Variants in NAV2 observed in about 807,000 individuals in gnomAD.
NAV2 encodes neuron navigator 2.
In NAV2, 54 loss-of-function variants were observed where a neutral mutation model predicts 223.2. The ratio of observed to expected loss-of-function variants is 0.24; its 90% CI spans 0.19 to 0.30. NAV2 has a LOEUF of 0.30. Ranked by LOEUF, NAV2 falls within the 10% of genes least tolerant of loss-of-function variation. The pLI is 1.00. For synonymous variants in NAV2, 1,279 were observed against 1,239.3 expected, an observed-to-expected ratio of 1.03 and a Z score of -0.67; for missense variants, 2,806 against 3,147.5, an observed-to-expected ratio of 0.89 and a Z score of 2.60.
In NAV2 at chr11:19,374,832, C is replaced by T. The variant is rs148245499; in HGVS notation, c.75+23805C>T. ...TTGACTCCCATTGTATTACTCAATG[C>T]CTCTCCTAGGTTTTTCTTCTCTTTG... On this transcript the variant is annotated intron_variant, in intron 1 of 37. Transcript: ENST00000360655. Among the ~76,000 whole-genome samples the T allele has an allele frequency of 6.4e-3, 978 of 152,312 alleles. 8 individuals carry two copies. Among genetic ancestry groups the T allele is most frequent in the African/African-American group, 0.023 (939 of 41,566 alleles).
intron 1 of NAV2, among the ~76,000 whole-genome samples, chr11:19,822,523 A>T (rs1225814930): frequency 2.0e-5 from 3 of 152,212 alleles, no homozygotes; most frequent in Non-Finnish European, 4.4e-5. Flanking sequence ...ATGTGGAAAA[A>T]GATGAAAATC....
intron 1 of NAV2, among the ~76,000 whole-genome samples, chr11:19,680,055 G>A (rs1020301247): frequency 2.0e-5 from 3 of 152,162 alleles, no homozygotes; most frequent in Non-Finnish European, 4.4e-5. Flanking sequence ...TGGAGGGTGG[G>A]GTTCTTGAAT....
At chr11:20,103,585 T>C (rs1458763367) in intron 33 of NAV2, 68 bp from the exon 34 acceptor site, 2 of 1,556,406 alleles carry the variant, frequency 1.3e-6, no homozygotes, top group Non-Finnish European at 1.8e-6. Context: ...GCCATGGGCC[T>C]CTGTGACCAC....
intron 1 of NAV2, among the ~76,000 whole-genome samples, chr11:19,721,474 C>T (rs1391472497): frequency 6.6e-6 from 1 of 152,210 alleles, no homozygotes; most frequent in Non-Finnish European, 1.5e-5. Flanking sequence ...TTCAAAATCA[C>T]TTGTTGGCAT....
chr11:19,778,399 G>C, intron 1 of NAV2: 1 of 454,848 alleles, frequency 2.2e-6, no homozygotes, highest in Non-Finnish European at 4.4e-6. Context: ...CATATTTGTG[G>C]ATTGCCTGGC....
chr11:19,547,158 G>A (rs927052890), intron 1 of NAV2, among the ~76,000 whole-genome samples: 1 of 152,112 alleles, frequency 6.6e-6, no homozygotes, highest in Non-Finnish European at 1.5e-5. Flanking sequence ...GACATTGATG[G>A]CCCCACTGGA....
chr11:19,421,437 A>G lies in NAV2; in HGVS notation c.75+70410A>G, dbSNP rs4519074. Among the ~76,000 whole-genome samples, 821 of 152,344 alleles carry G rather than the reference A, an allele frequency of 5.4e-3. 6 individuals are homozygous for G. Among genetic ancestry groups the G allele is most frequent in the African/African-American group, 0.019 (788 of 41,578 alleles). Reference sequence around the variant, plus strand: ...TCCTAACAGAAGGCTCACATGCTCCAAGGTGTCACTTGGATGAACAGTTTA... The same window carrying G: ...TCCTAACAGAAGGCTCACATGCTCCGAGGTGTCACTTGGATGAACAGTTTA... On this transcript the variant is annotated intron_variant, in intron 1 of 37. Coordinates refer to the NAV2 transcript ENST00000360655.
chr11:19,877,415 T>C (rs947501847), intron 4 of NAV2, among the ~76,000 whole-genome samples: 2 of 152,006 alleles, frequency 1.3e-5, no homozygotes, highest in Admixed American at 1.3e-4. Context: ...AATTGTTTTC[T>C]TAACTTTAAT....
At chr11:19,616,363 G>C (rs1196039952) in intron 1 of NAV2, among the ~76,000 whole-genome samples, 1 of 150,192 alleles carries the variant, frequency 6.7e-6, no homozygotes, top group Non-Finnish European at 1.5e-5. Context: ...GGCTCTCTGG[G>C]CTGGCCTCCC....
At chr11:19,466,466 G>T (rs1433818603) in intron 1 of NAV2, among the ~76,000 whole-genome samples, 5 of 152,204 alleles carry the variant, frequency 3.3e-5, no homozygotes, top group Non-Finnish European at 7.3e-5. Context: ...GTGTGCAGGT[G>T]CCAAAGCCAG....
rs2043964552 is a variant in NAV2, at chr11:19,529,720, A to G, written c.75+178693A>G. On this transcript the variant is annotated intron_variant, in intron 1 of 37. Coordinates refer to the NAV2 transcript ENST00000360655. Reference sequence around the variant, plus strand: ...GTGGGGTGGAAGTTGCTGAGGGAATAGGACAGGGCACCCCCTTGTCCTGAG... The same window carrying G: ...GTGGGGTGGAAGTTGCTGAGGGAATGGGACAGGGCACCCCCTTGTCCTGAG... Among the ~76,000 whole-genome samples, 4 of 152,286 alleles carry G rather than the reference A, an allele frequency of 2.6e-5. No individual in the cohort carries two copies. In the South Asian group the frequency reaches 8.3e-4, roughly 32 times the overall value.
chr11:19,583,014 A>G (rs1448616134), intron 1 of NAV2, among the ~76,000 whole-genome samples: 1 of 152,174 alleles, frequency 6.6e-6, no homozygotes, highest in African/African-American at 2.4e-5. Flanking sequence ...CATGAGCATG[A>G]AATGTTCTTC....
chr11:19,659,369 G>T (rs865917713), intron 1 of NAV2, among the ~76,000 whole-genome samples: 1 of 152,162 alleles, frequency 6.6e-6, no homozygotes. Flanking sequence ...ATGGTGTAGG[G>T]CCTTGTGTGA....
chr11:19,884,013 C>G (rs2063376210), intron 5 of NAV2, among the ~76,000 whole-genome samples: 1 of 152,168 alleles, frequency 6.6e-6, no homozygotes, highest in Non-Finnish European at 1.5e-5. Flanking sequence ...AGAATAAGGC[C>G]TTAAGGCAAG....
At chr11:20,087,144 A>G (rs1047935064) in intron 26 of NAV2, among the ~76,000 whole-genome samples, 1 of 152,132 alleles carries the variant, frequency 6.6e-6, no homozygotes, top group Non-Finnish European at 1.5e-5. Flanking sequence ...AGCAGAGAGG[A>G]GAAACTGTTG....
chr11:19,389,391 C>T (rs1039691611), intron 1 of NAV2, among the ~76,000 whole-genome samples: 19 of 152,314 alleles, frequency 1.2e-4, no homozygotes, highest in Middle Eastern at 3.4e-3. Flanking sequence ...ATTGGAAGCA[C>T]GATGTTCTTT....
At chr11:19,512,459 C>A (rs964532710) in intron 1 of NAV2, among the ~76,000 whole-genome samples, 1 of 152,064 alleles carries the variant, frequency 6.6e-6, no homozygotes, top group Non-Finnish European at 1.5e-5. Context: ...TGGGGAGAAC[C>A]AGAGAGGGAG....
chr11:19,956,415 A>C (rs11522587), intron 10 of NAV2, among the ~76,000 whole-genome samples: 85,574 of 147,498 alleles, frequency 0.58, 25,625 homozygotes, highest in South Asian at 0.67. Context: ...CTCTCTCTCT[A>C]TCTCTCCAGA....
intron 6 of NAV2, among the ~76,000 whole-genome samples, chr11:19,897,399 TA>T (rs2042079666): frequency 6.6e-6 from 1 of 152,078 alleles, no homozygotes; most frequent in African/African-American, 2.4e-5. Context: ...AAAAGGGAAT[TA>T]AAAATTGTAA....
Sources: gnomAD v4.1 joint callset for allele counts (sites outside exome capture counted in the v4.1 genomes callset) on GRCh38, gnomAD v4.1.1 for gene constraint, MANE v1.5 for transcripts, NCBI Gene and HGNC (gene_info 2026-07-23, HGNC 2026-07-21) for gene names.